Variants in BCAM observed in about 807,000 individuals in gnomAD.
BCAM encodes the protein basal cell adhesion molecule (Lutheran blood group).
BCAM carries 61 observed loss-of-function variants against 72.4 expected under a neutral mutation model. The ratio of observed to expected loss-of-function variants is 0.84; its 90% CI spans 0.69 to 1.04. The LOEUF (loss-of-function observed/expected upper bound fraction) is 1.04. Among genes scored for constraint, BCAM ranks in the 50% least tolerant of loss-of-function variants. BCAM has a pLI of 0.00. For missense variants in BCAM, 909 were observed against 895.0 expected (o/e 1.02, Z -0.20); for synonymous variants, 408 against 384.2 (o/e 1.06, Z -0.73).
chr19:44,810,416 T>A (rs1369998457), intron 1 of BCAM, among the ~76,000 whole-genome samples: 1 of 152,068 alleles, frequency 6.6e-6, no homozygotes, highest in African/African-American at 2.4e-5. Flanking sequence ...CCCACATTCC[T>A]GAAACCTGCC....
rs1191990614 is a variant in BCAM, at chr19:44,820,946, C to A, written c.*25C>A. The A allele has an allele frequency of 6.5e-7, 1 of 1,549,516 alleles. No individual in the cohort carries two copies. The highest frequency in any genetic ancestry group is 2.5e-5 in the East Asian group (1 of 40,172). ...AGCCAAGAACCTCCTAGAGGCTGTC[C>A]CTGGACCTGGAGCTGCAGGCATCAG... On this transcript the variant is annotated 3_prime_UTR_variant, in exon 15 of 15. Transcript: ENST00000270233.
intron 2 of BCAM, 130 bp downstream of exon 2, chr19:44,811,476 G>A: frequency 2.7e-6 from 4 of 1,475,912 alleles, no homozygotes; most frequent in Non-Finnish European, 3.7e-6. Context: ...GGGTCACTGA[G>A]TCCCACTGAG....
chr19:44,813,458 ACGGTCCGGGAGGCCTCGGGCCTG>A lies in BCAM; in HGVS notation c.624_646del (p.Val209LeufsTer14), dbSNP rs1568572018. ...CCCAGAGGGCTACATGACCAGCCGC[ACGGTCCGGGAGGCCTCGGGCCTG>A]CTCTCCCTCACCAGCACCCTCTACC... On this transcript the variant is annotated frameshift_variant, in exon 6 of 15. Transcript: ENST00000270233. LOFTEE classifies it high-confidence loss of function. This position sits in a 1 kb window ranked among gnomAD's most constrained non-coding sequence, Gnocchi z 4.2. 6.2e-7 allele frequency: 1 copy of A among 1,611,442 alleles called. No individual in the cohort carries two copies. Among genetic ancestry groups the A allele is most frequent in the Admixed American group, 1.7e-5 (1 of 59,984 alleles).
At position 44,821,180 on chromosome 19, in the gene BCAM, T is replaced by C; in HGVS notation, c.*259T>C. The C allele has an allele frequency of 4.4e-6, 2 of 454,330 alleles. No individual in the cohort carries two copies. Among genetic ancestry groups the C allele is most frequent in the Middle Eastern group, 5.9e-4 (1 of 1,698 alleles). 28.1% of individuals were successfully genotyped at this position (454,330 alleles called of 1,614,324 possible). A position where few individuals can be genotyped will look rare whatever the true frequency, so the allele number is the denominator to read the frequency against. ...CTCTCCCAGGCCCCAGAATAGCTCC[T>C]GGACCCAAGCCCAAGGCCCAGCCTG... On this transcript the variant is annotated 3_prime_UTR_variant, in exon 15 of 15. Transcript: ENST00000270233.
rs1257851047 is a variant in BCAM at position 44,813,027 on chromosome 19, G to T, written c.505-223G>T. 1.7e-6 allele frequency: 1 copy of T among 574,286 alleles called. No homozygotes were observed. 35.6% of individuals were successfully genotyped at this position (574,286 alleles called of 1,614,324 possible). On this transcript the variant is annotated intron_variant, in intron 4 of 14. Transcript: ENST00000270233. This position sits in a 1 kb window ranked among gnomAD's most constrained non-coding sequence, Gnocchi z 4.2. ...GGGAAGACTCCTGTGTCCTAGGAAG[G>T]AGAGAGCTGGGGGACCCAGAATCCT...
In BCAM at chr19:44,812,174, G is replaced by T; in HGVS notation, c.216G>T (p.Ser72=). 6.2e-7 allele frequency: 1 copy of T among 1,602,150 alleles called. No homozygotes were observed. The highest frequency in any genetic ancestry group is 8.5e-7 in the Non-Finnish European group (1 of 1,177,476). The part of the protein sequence containing the change: ...YMLEWFLTDR[S]GARPRLASAE... ...CCCCGCGCCCACAGACCGACCGCTC[G>T]GGAGCTCGCCCCCGCCTAGCCTCGG... The change falls in exon 3 of 15, where the codon TCG becomes TCT. Residue 72 remains serine (S), a synonymous_variant. Transcript: ENST00000270233. The surrounding 1 kb of genome is among the most constrained non-coding windows in gnomAD (Gnocchi z 5.3).
In BCAM at chr19:44,820,776, G is replaced by A. The variant is rs1216844322; in HGVS notation, c.1835G>A (p.Gly612Asp). ...GAGCAGACCGGCCTTCTCATGGGAG[G>A]TGCCTCCGGAGGAGCCAGGGGTGGC... ...QPEQTGLLMG[G>D]ASGGARGGSG... Residue 612 changes from glycine to aspartate, a missense_variant, in exon 14 of 15, where the codon GGT becomes GAT. Physicochemically the swap from Gly to Asp is moderately conservative, Grantham distance 94 (BLOSUM62 -1). Transcript: ENST00000270233. The A allele has an allele frequency of 6.6e-7, 1 of 1,505,484 alleles. No individual in the cohort carries two copies. Among genetic ancestry groups the A allele is most frequent in the South Asian group, 1.3e-5 (1 of 77,538 alleles). 93.3% of individuals were successfully genotyped at this position (1,505,484 alleles called of 1,614,324 possible).
chr19:44,820,673 C>T (rs749105723), intron 13 of BCAM, 32 bp from the exon 14 acceptor site: 3 of 1,390,770 alleles, frequency 2.2e-6, no homozygotes, highest in Admixed American at 3.2e-5. Flanking sequence ...ACCTCCAACA[C>T]GACGCCTCCG....
chr19:44,819,197 G>C lies in BCAM; in HGVS notation c.1473+5G>C, dbSNP rs765434831. ...TGGAGCCAATTGGGGGGCAGCGTAAGGGACCTTCCTCTCCACCCTGAGCCC... is the reference window on the plus strand; with the variant it reads ...TGGAGCCAATTGGGGGGCAGCGTAACGGACCTTCCTCTCCACCCTGAGCCC... On this transcript the variant is annotated splice_donor_5th_base_variant and intron_variant, in intron 11 of 14. Coordinates refer to ENST00000270233, the MANE Select transcript of BCAM (RefSeq NM_005581.5). 14 of 1,613,832 alleles carry C rather than the reference G, an allele frequency of 8.7e-6. No individual in the cohort carries two copies. Among genetic ancestry groups the C allele is most frequent in the Admixed American group, 1.7e-5 (1 of 59,978 alleles).
Position 44,818,929 on chromosome 19 carries a change from G to A in BCAM, c.1336+47G>A. On this transcript the variant is annotated intron_variant, in intron 10 of 14. Coordinates refer to ENST00000270233, the MANE Select transcript of BCAM (RefSeq NM_005581.5). The surrounding 1 kb of genome is among the most constrained non-coding windows in gnomAD (Gnocchi z 4.6). ...TGGGCTTGGATGGGGACAGTGTGGG[G>A]TGTGGGACCTGGACAAACAGGACGA... is the stretch of plus-strand genomic sequence containing the variant. 6.2e-7 allele frequency: 1 copy of A among 1,604,570 alleles called. No individual in the cohort carries two copies.
intron 13 of BCAM, 53 bp from the exon 14 acceptor site, chr19:44,820,652 C>G: frequency 1.5e-6 from 2 of 1,379,086 alleles, no homozygotes; most frequent in Non-Finnish European, 1.9e-6. Flanking sequence ...GTTCCTCCCC[C>G]TGCCGTGTGC....
chr19:44,812,987 A>G lies in BCAM; in HGVS notation c.505-263A>G, dbSNP rs533122285. The G allele has an allele frequency of 1.3e-4, 66 of 492,938 alleles. No individual in the cohort carries two copies. The highest frequency in any genetic ancestry group is 1.2e-3 in the African/African-American group (59 of 49,968). 30.5% of individuals were successfully genotyped at this position (492,938 alleles called of 1,614,324 possible). ...AAAAAGAAGAAGAAAAGAAAAAAGAAAGGAAGGGCAGAGGGGGAAGACTCC... is the reference window on the plus strand; with the variant it reads ...AAAAAGAAGAAGAAAAGAAAAAAGAGAGGAAGGGCAGAGGGGGAAGACTCC... On this transcript the variant is annotated intron_variant, in intron 4 of 14. Coordinates refer to ENST00000270233, the MANE Select transcript of BCAM (RefSeq NM_005581.5). The surrounding 1 kb of genome is among the most constrained non-coding windows in gnomAD (Gnocchi z 5.3).
Position 44,812,123 on chromosome 19 carries a change from C to T in BCAM, c.205-40C>T. The T allele has an allele frequency of 1.3e-6, 2 of 1,549,166 alleles. No individual in the cohort carries two copies. On this transcript the variant is annotated intron_variant, in intron 2 of 14. Coordinates refer to ENST00000270233, the MANE Select transcript of BCAM (RefSeq NM_005581.5). This position sits in a 1 kb window ranked among gnomAD's most constrained non-coding sequence, Gnocchi z 5.3. ...CCAGAGAGAGAGAGACTGAGGAGCG[C>T]TGGGACACCCGGAGCTGAGAGCCTG...
chr19:44,818,533 C>A lies in BCAM; in HGVS notation c.1090C>A (p.Leu364Met). The change falls in exon 9 of 15, where the codon CTG becomes ATG. Residue 364 changes from leucine to methionine, a missense_variant. By Grantham distance (15) the Leu-to-Met change is conservative. Transcript: ENST00000270233. This position sits in a 1 kb window ranked among gnomAD's most constrained non-coding sequence, Gnocchi z 4.6. ...LELRVAYLDP[L>M]ELSEGKVLSL... is the part of the protein sequence containing the mutation. ...GTCCCCCACTGCAGATCTGGACCCC[C>A]TGGAGCTCAGCGAGGGGAAGGTGCT... The A allele has an allele frequency of 6.2e-7, 1 of 1,613,914 alleles. No individual in the cohort carries two copies. Among genetic ancestry groups the A allele is most frequent in the African/African-American group, 1.3e-5 (1 of 75,034 alleles).
Position 44,813,020 on chromosome 19 carries a change from T to C in BCAM, c.505-230T>C. 1.8e-6 allele frequency: 1 copy of C among 561,596 alleles called. No homozygotes were observed. The highest frequency in any genetic ancestry group is 2.3e-5 in the South Asian group (1 of 43,838). The allele number at this position is 561,596 out of a possible 1,614,324, so 34.8% of individuals were successfully genotyped here. A position where few individuals can be genotyped will look rare whatever the true frequency, so the allele number is the denominator to read the frequency against. On this transcript the variant is annotated intron_variant, in intron 4 of 14. Coordinates refer to ENST00000270233, the MANE Select transcript of BCAM (RefSeq NM_005581.5). This position sits in a 1 kb window ranked among gnomAD's most constrained non-coding sequence, Gnocchi z 4.2. ...GCAGAGGGGGAAGACTCCTGTGTCC[T>C]AGGAAGGAGAGAGCTGGGGGACCCA...
chr19:44,816,508 C>G, intron 8 of BCAM, among the ~76,000 whole-genome samples: 1 of 152,182 alleles, frequency 6.6e-6, no homozygotes, highest in East Asian at 1.9e-4. Context: ...AGAGGGGTGA[C>G]AGCTGCAGGC....
chr19:44,811,239 GTGCGCT>G lies in BCAM; in HGVS notation c.100_105del (p.Arg34_Leu35del), dbSNP rs573141230. 1.5e-3 allele frequency: 2,348 copies of G among 1,612,354 alleles called. 5 individuals are homozygous for G. The highest frequency in any genetic ancestry group is 1.6e-3 in the Non-Finnish European group (1,829 of 1,179,926). On this transcript the variant is annotated inframe_deletion, in exon 2 of 15. Coordinates refer to ENST00000270233, the MANE Select transcript of BCAM (RefSeq NM_005581.5). Reference sequence around the variant, plus strand: ...CTCTCTTGCAGATGCCCAGGCGGAGGTGCGCTTGTCTGTACCCCCGCTGGTGGAGGT... The same window carrying G: ...CTCTCTTGCAGATGCCCAGGCGGAGGTGTCTGTACCCCCGCTGGTGGAGGT...
In BCAM at chr19:44,813,155, G is replaced by A. The variant is rs902693696; in HGVS notation, c.505-95G>A. ...TGGGAGAGTCGGGAGTTAGGAGCCC[G>A]GCTCATGAGTCTGAGTGGGGAGAAC... On this transcript the variant is annotated intron_variant, in intron 4 of 14. Transcript: ENST00000270233. This position sits in a 1 kb window ranked among gnomAD's most constrained non-coding sequence, Gnocchi z 4.2. 30 of 1,395,810 alleles carry A rather than the reference G, an allele frequency of 2.1e-5. No individual in the cohort carries two copies. Among genetic ancestry groups the A allele is most frequent in the Admixed American group, 4.0e-5 (2 of 50,488 alleles). 86.5% of individuals were successfully genotyped at this position (1,395,810 alleles called of 1,614,324 possible). A position where few individuals can be genotyped will look rare whatever the true frequency, so the allele number is the denominator to read the frequency against.
chr19:44,817,393 G>A (rs561502583), intron 8 of BCAM, among the ~76,000 whole-genome samples: 51 of 152,322 alleles, frequency 3.3e-4, no homozygotes, highest in Non-Finnish European at 5.4e-4. Context: ...GAATGGGGAA[G>A]AGTGGGAGAT....
Sources: gnomAD v4.1 joint callset for allele counts (sites outside exome capture counted in the v4.1 genomes callset) on GRCh38, gnomAD v4.1.1 for gene constraint, Gnocchi (gnomAD v3.1) non-coding constraint, MANE v1.5 for transcripts, NCBI Gene and HGNC (gene_info 2026-07-23, HGNC 2026-07-21) for gene names.